RGS6: variants seen among roughly 807,000 people sequenced by gnomAD.
The protein encoded by RGS6 is regulator of G-protein signaling 6.
A neutral mutation model predicts 78.5 loss-of-function variants in RGS6; 30 were observed. The observed-to-expected ratio is 0.38, with a 90% CI of 0.29 to 0.52. The LOEUF (loss-of-function observed/expected upper bound fraction) is 0.52, where lower values mean the gene tolerates loss of function less well. Ranked by LOEUF, RGS6 falls within the 20% of genes least tolerant of loss-of-function variation. RGS6 has a pLI of 0.85. For synonymous variants in RGS6, 206 were observed against 206.0 expected (o/e 1.00, Z 0.00); for missense variants, 495 against 609.7 (o/e 0.81, Z 1.98).
At chr14:72,420,954 T>C (rs2153103384) in intron 3 of RGS6, 1 of 152,290 alleles carries the variant, frequency 6.6e-6, no homozygotes, top group African/African-American at 2.4e-5. Flanking sequence ...GGTGATAATG[T>C]GAACTGCACC....
the RGS6 span, among the ~76,000 whole-genome samples, chr14:71,882,679 G>T: frequency 6.6e-6 from 1 of 152,172 alleles, no homozygotes; most frequent in African/African-American, 2.4e-5. Flanking sequence ...CAATGAAAAT[G>T]ATTTCTGCCC....
At chr14:72,583,318 C>T in the RGS6 span, among the ~76,000 whole-genome samples, 3 of 152,230 alleles carry the variant, frequency 2.0e-5, no homozygotes, top group Non-Finnish European at 4.4e-5. Context: ...AATAAATCCT[C>T]TCTCATATAT....
intron 2 of RGS6, among the ~76,000 whole-genome samples, chr14:72,159,143 C>T (rs186774993): frequency 3.3e-5 from 5 of 152,140 alleles, no homozygotes; most frequent in African/African-American, 1.2e-4. Context: ...TCTTCTTTGC[C>T]CTTGTAGCAG....
chr14:72,280,308 A>G (rs1036106171), intron 2 of RGS6, among the ~76,000 whole-genome samples: 3 of 152,222 alleles, frequency 2.0e-5, no homozygotes, highest in Non-Finnish European at 4.4e-5. Flanking sequence ...AAAGCAATCA[A>G]CAAGGCTTGT....
chr14:72,579,527 A>G, the RGS6 span, among the ~76,000 whole-genome samples: 1 of 152,216 alleles, frequency 6.6e-6, no homozygotes, highest in African/African-American at 2.4e-5. Flanking sequence ...ACTAAAGGGA[A>G]GCCTGTGGAC....
the RGS6 span, among the ~76,000 whole-genome samples, chr14:72,575,932 C>G: frequency 6.6e-6 from 1 of 152,256 alleles, no homozygotes; most frequent in Non-Finnish European, 1.5e-5. Context: ...ACCCGTCCTT[C>G]CTAAACTGCT....
chr14:72,071,220 C>T (rs1030043182), intron 2 of RGS6, among the ~76,000 whole-genome samples: 2 of 152,058 alleles, frequency 1.3e-5, no homozygotes, highest in Admixed American at 6.5e-5. Context: ...GAGTATGGTT[C>T]GTTCATATTT....
chr14:72,082,820 A>G (rs917052639), intron 2 of RGS6, among the ~76,000 whole-genome samples: 1 of 152,204 alleles, frequency 6.6e-6, no homozygotes. Context: ...TGTTTCATAA[A>G]TACTTGTAAC....
Position 72,474,570 on chromosome 14 carries a change from A to C in RGS6, c.619-55A>C, listed in dbSNP as rs1264725967. ...GTCCTGATGGTGTGACATGGGCTAA[A>C]TTGGAAGTGTAATTTTCACGTAGTA... On this transcript the variant is annotated intron_variant, in intron 9 of 17. Coordinates refer to ENST00000553525, the MANE Select transcript of RGS6 (RefSeq NM_001204424.2). The C allele has an allele frequency of 2.6e-6, 4 of 1,510,214 alleles. No individual in the cohort carries two copies. The African/African-American group carries it at 5.6e-5, about 21-fold the overall frequency. 93.6% of individuals were successfully genotyped at this position (1,510,214 alleles called of 1,614,324 possible). A position where few individuals can be genotyped will look rare whatever the true frequency, so the allele number is the denominator to read the frequency against.
chr14:72,513,791 AC>A (rs2096907472), intron 14 of RGS6: 1 of 152,190 alleles, frequency 6.6e-6, no homozygotes, highest in Non-Finnish European at 1.5e-5. Flanking sequence ...AAAAATCAAA[AC>A]CCACAGCAAA....
chr14:72,114,785 TGA>T (rs879695232), intron 2 of RGS6, among the ~76,000 whole-genome samples: 2 of 152,224 alleles, frequency 1.3e-5, no homozygotes, highest in Non-Finnish European at 2.9e-5. Flanking sequence ...ATTACTTGGA[TGA>T]CAATCATTAA....
chr14:72,000,814 G>C (rs1050071890), intron 2 of RGS6, among the ~76,000 whole-genome samples: 5 of 152,202 alleles, frequency 3.3e-5, no homozygotes, highest in Non-Finnish European at 5.9e-5. Context: ...GGGCGACCCT[G>C]AGAGAGCTGT....
At chr14:72,021,527 G>T in intron 2 of RGS6, among the ~76,000 whole-genome samples, 1 of 136,986 alleles carries the variant, frequency 7.3e-6, no homozygotes, top group African/African-American at 2.8e-5. Flanking sequence ...GGAGTGCAAT[G>T]GCACGATCTC....
At chr14:72,153,315 T>G (rs768391056) in intron 2 of RGS6, among the ~76,000 whole-genome samples, 2 of 151,616 alleles carry the variant, frequency 1.3e-5, no homozygotes, top group Admixed American at 1.3e-4. Flanking sequence ...GACCACAGAG[T>G]TTAAAGCAGA....
chr14:72,602,552 C>T, the RGS6 span, among the ~76,000 whole-genome samples: 3 of 152,310 alleles, frequency 2.0e-5, no homozygotes, highest in East Asian at 3.9e-4. Context: ...CACCCTCCAC[C>T]GGCCGACTCA....
chr14:71,927,816 C>T (rs375790850), upstream of RGS6, among the ~76,000 whole-genome samples: 2 of 151,974 alleles, frequency 1.3e-5, no homozygotes, highest in African/African-American at 4.8e-5. Flanking sequence ...CGCCACCATG[C>T]CCGGCTAATT....
intron 17 of RGS6, chr14:72,547,510 C>T (rs564228210): frequency 7.6e-5 from 48 of 634,216 alleles, no homozygotes; most frequent in African/African-American, 7.3e-4. Flanking sequence ...TGGAAGGAGG[C>T]CAGGATACCT....
chr14:72,099,114 A>G (rs1366890950), intron 2 of RGS6, among the ~76,000 whole-genome samples: 4 of 152,044 alleles, frequency 2.6e-5, no homozygotes, highest in Non-Finnish European at 5.9e-5. Flanking sequence ...TGATCTCACA[A>G]CTCTGAGATG....
intron 3 of RGS6, among the ~76,000 whole-genome samples, chr14:72,359,933 A>G (rs1417286334): frequency 6.6e-6 from 1 of 152,148 alleles, no homozygotes; most frequent in East Asian, 1.9e-4. Context: ...TGAGATGAGG[A>G]GAGTGATTCG....
Sources: gnomAD v4.1 joint callset for allele counts (sites outside exome capture counted in the v4.1 genomes callset) on GRCh38, gnomAD v4.1.1 for gene constraint, MANE v1.5 for transcripts, NCBI Gene and HGNC (gene_info 2026-07-23, HGNC 2026-07-21) for gene names.